The following CCNY variants were observed in gnomAD, a reference collection of about 807,000 sequenced individuals.
CCNY encodes cyclin Y, also known as cyclin-Y.
In CCNY, 19 loss-of-function variants were observed where a neutral mutation model predicts 42.8. The ratio of observed to expected loss-of-function variants is 0.44; its 90% confidence interval spans 0.31 to 0.65. The LOEUF (loss-of-function observed/expected upper bound fraction) is 0.65, where lower values mean the gene tolerates loss of function less well. Among genes scored for constraint, CCNY ranks in the 30% least tolerant of loss-of-function variants. The pLI, the probability that CCNY is intolerant of heterozygous loss-of-function variation, is 0.07. For synonymous variants in CCNY, 165 were observed against 162.7 expected, an observed-to-expected ratio of 1.01 and a Z score of -0.11; for missense variants, 370 against 437.3, an observed-to-expected ratio of 0.85 and a Z score of 1.37.
chr10:35,254,024 C>T (rs539859302), intron 3 of CCNY, among the ~76,000 whole-genome samples: 27 of 147,382 alleles, frequency 1.8e-4, no homozygotes, highest in African/African-American at 5.6e-4. Context: ...TACGGGCGCC[C>T]GCCACCATGC....
intron 1 of CCNY, among the ~76,000 whole-genome samples, chr10:35,452,704 A>G (rs969977258): frequency 1.3e-5 from 2 of 150,806 alleles, no homozygotes; most frequent in East Asian, 1.9e-4. Flanking sequence ...AGGAAAGGTT[A>G]TATCATTCTC....
intron 3 of CCNY, among the ~76,000 whole-genome samples, chr10:35,259,671 T>A (rs1358016541): frequency 6.7e-5 from 2 of 29,988 alleles, no homozygotes; most frequent in Non-Finnish European, 1.1e-4. Context: ...CCTGGCTAAT[T>A]GTTTTTTTTT....
intron 3 of CCNY, among the ~76,000 whole-genome samples, chr10:35,330,948 CG>C (rs879275830): frequency 2.6e-5 from 4 of 152,106 alleles, no homozygotes; most frequent in Non-Finnish European, 5.9e-5. Context: ...TTAGTAGAGA[CG>C]GGGTTTTGCC....
At chr10:35,436,303 C>T (rs1240244166) in intron 1 of CCNY, among the ~76,000 whole-genome samples, 2 of 152,208 alleles carry the variant, frequency 1.3e-5, no homozygotes, top group East Asian at 1.9e-4. Flanking sequence ...TTATGGGTCC[C>T]CCACCCCTCA....
intron 3 of CCNY, among the ~76,000 whole-genome samples, chr10:35,299,735 T>A (rs1835510880): frequency 6.6e-6 from 1 of 152,222 alleles, no homozygotes; most frequent in Admixed American, 6.6e-5. Context: ...TTGGAATGCT[T>A]AATTCATATA....
At chr10:35,410,843 A>G (rs947296177) in intron 1 of CCNY, among the ~76,000 whole-genome samples, 2 of 152,152 alleles carry the variant, frequency 1.3e-5, no homozygotes. Context: ...GGGAGTTTGC[A>G]TTTCTGGAGT....
At chr10:35,465,943 GTGTGTGTGTGTGTGTGTC>G (rs1839257732) in intron 1 of CCNY, among the ~76,000 whole-genome samples, 1 of 150,798 alleles carries the variant, frequency 6.6e-6, no homozygotes, top group African/African-American at 2.4e-5. Context: ...GAGAGAGTGT[GTGTGTGTGTGTGTGTGTC>G]TGTGTGTGTG....
At chr10:35,377,655 T>A (rs1223408875) in intron 1 of CCNY, among the ~76,000 whole-genome samples, 3 of 152,230 alleles carry the variant, frequency 2.0e-5, no homozygotes, top group African/African-American at 7.2e-5. Flanking sequence ...AACTCAATAA[T>A]GGAAATTGTA....
At chr10:35,339,547 A>G (rs1836128669) in intron 1 of CCNY, among the ~76,000 whole-genome samples, 1 of 152,240 alleles carries the variant, frequency 6.6e-6, no homozygotes, top group African/African-American at 2.4e-5. Flanking sequence ...CATTTTAAGA[A>G]TCATTGACTC....
chr10:35,409,137 G>T (rs1322392327), intron 1 of CCNY, among the ~76,000 whole-genome samples: 2 of 152,100 alleles, frequency 1.3e-5, no homozygotes, highest in Non-Finnish European at 2.9e-5. Context: ...TTGCAACCAG[G>T]AGTTGTCAAG....
At chr10:35,285,800 A>T (rs1170338945) in intron 3 of CCNY, among the ~76,000 whole-genome samples, 1 of 134,140 alleles carries the variant, frequency 7.5e-6, no homozygotes, top group Admixed American at 7.8e-5. Flanking sequence ...ATGTGGTTGG[A>T]TTTAGGTGTT....
At chr10:35,482,293 T>C (rs1022792908) in intron 1 of CCNY, among the ~76,000 whole-genome samples, 8 of 152,240 alleles carry the variant, frequency 5.3e-5, no homozygotes, top group Non-Finnish European at 8.8e-5. Context: ...TAGGTTTCTC[T>C]GCAAATTTAT....
chr10:35,374,441 A>G (rs376447098), intron 1 of CCNY, among the ~76,000 whole-genome samples: 1 of 152,240 alleles, frequency 6.6e-6, no homozygotes, highest in Non-Finnish European at 1.5e-5. Context: ...CTCCACGGCC[A>G]GTCACAGGGG....
At chr10:35,278,019 G>A (rs1354126619) in intron 3 of CCNY, among the ~76,000 whole-genome samples, 1 of 152,010 alleles carries the variant, frequency 6.6e-6, no homozygotes, top group East Asian at 1.9e-4. Flanking sequence ...TAGGAAGGGT[G>A]AGCCTGGAGG....
chr10:35,523,290 C>G (rs1255864336), intron 4 of CCNY, among the ~76,000 whole-genome samples: 2 of 152,176 alleles, frequency 1.3e-5, no homozygotes, highest in African/African-American at 2.4e-5. Context: ...ACTTGGCCCA[C>G]TGTCTCAGGC....
At chr10:35,270,694 G>A (rs1046069662) in intron 3 of CCNY, among the ~76,000 whole-genome samples, 1 of 149,486 alleles carries the variant, frequency 6.7e-6, no homozygotes, top group Non-Finnish European at 1.5e-5. Context: ...ACCCCTTTTC[G>A]CAATTCTTAG....
intron 8 of CCNY, among the ~76,000 whole-genome samples, chr10:35,555,072 A>G (rs950945548): frequency 2.0e-5 from 3 of 152,220 alleles, no homozygotes; most frequent in African/African-American, 7.2e-5. Flanking sequence ...CACACTGCCC[A>G]GTTCATGCAT....
intron 1 of CCNY, among the ~76,000 whole-genome samples, chr10:35,410,257 G>A (rs552493466): frequency 6.6e-6 from 1 of 152,006 alleles, no homozygotes; most frequent in South Asian, 2.1e-4. Flanking sequence ...AAACAGCACC[G>A]AGAAAGAGAA....
At chr10:35,281,201 T>C (rs895503984) in intron 3 of CCNY, among the ~76,000 whole-genome samples, 1 of 152,208 alleles carries the variant, frequency 6.6e-6, no homozygotes. Context: ...TAGTTACCAT[T>C]TGACCCACCA....
Sources: gnomAD v4.1 joint callset for allele counts (sites outside exome capture counted in the v4.1 genomes callset) on GRCh38, gnomAD v4.1.1 for gene constraint, MANE v1.5 for transcripts, NCBI Gene and HGNC (gene_info 2026-07-23, HGNC 2026-07-21) for gene names.